The following KCNIP4 variants were observed in gnomAD, a reference collection of about 807,000 sequenced individuals.
KCNIP4 encodes the protein Kv channel-interacting protein 4.
A neutral mutation model predicts 34.0 loss-of-function variants in KCNIP4; 12 were observed. The observed-to-expected ratio is 0.35, with a 90% confidence interval of 0.23 to 0.57. The LOEUF (loss-of-function observed/expected upper bound fraction) is 0.57, where lower values mean the gene tolerates loss of function less well. Among genes scored for constraint, KCNIP4 ranks in the 20% least tolerant of loss-of-function variants. The pLI is 0.83. For synonymous variants in KCNIP4, 124 were observed against 102.2 expected (o/e 1.21, Z -1.29); for missense variants, 238 against 311.7 (o/e 0.76, Z 1.78).
chr4:21,793,965 T>A (rs1473600201), intron 1 of KCNIP4, among the ~76,000 whole-genome samples: 3 of 152,286 alleles, frequency 2.0e-5, no homozygotes, highest in African/African-American at 7.2e-5. Flanking sequence ...TAAAAAAGGA[T>A]GAATTCATGT....
chr4:21,267,435 A>G (rs1761881511), intron 1 of KCNIP4, among the ~76,000 whole-genome samples: 1 of 151,814 alleles, frequency 6.6e-6, no homozygotes, highest in Admixed American at 6.6e-5. Flanking sequence ...CCAGTTTTCA[A>G]AGGGAATGCT....
chr4:21,897,105 A>G (rs1727436935), intron 1 of KCNIP4, among the ~76,000 whole-genome samples: 1 of 152,048 alleles, frequency 6.6e-6, no homozygotes, highest in African/African-American at 2.4e-5. Context: ...AAAGCTTTAT[A>G]TAAGACTTTA....
In KCNIP4 at chr4:21,785,293, G is replaced by GA. The variant is rs1180702298; in HGVS notation, c.61+163277dup. ...AATTTTAGAACATTTATATCACTTC[G>GA]AAAAAAAAAAAACTTGGCTGGCCAC... On this transcript the variant is annotated intron_variant, in intron 1 of 8. Coordinates refer to ENST00000382152, the MANE Select transcript of KCNIP4 (RefSeq NM_025221.6). 5.2e-3 allele frequency among the ~76,000 whole-genome samples: 745 copies of GA among 143,296 alleles called. 4 individuals are homozygous for GA. The highest frequency in any genetic ancestry group is 0.015 in the African/African-American group (573 of 39,358). 94.0% of individuals were successfully genotyped at this position (143,296 alleles called of 152,430 possible).
chr4:21,344,863 C>T (rs1477575534), intron 1 of KCNIP4, among the ~76,000 whole-genome samples: 2 of 152,174 alleles, frequency 1.3e-5, no homozygotes, highest in African/African-American at 4.8e-5. Flanking sequence ...TGTTAGTGCT[C>T]TCTTCAAATA....
At chr4:20,842,420 G>A (rs181630936) in intron 3 of KCNIP4, among the ~76,000 whole-genome samples, 2 of 152,036 alleles carry the variant, frequency 1.3e-5, no homozygotes, top group Non-Finnish European at 2.9e-5. Context: ...GGTGAGACGC[G>A]AAAAGTCAGC....
chr4:21,220,579 A>ATAC (rs1160123797), intron 1 of KCNIP4, among the ~76,000 whole-genome samples: 4 of 151,880 alleles, frequency 2.6e-5, no homozygotes, highest in African/African-American at 9.7e-5. Flanking sequence ...AATAATAATA[A>ATAC]TAAAGAAGTT....
At position 20,957,000 on chromosome 4, in the gene KCNIP4, TAAAG is replaced by T. The variant is rs140663390; in HGVS notation, c.62-74295_62-74292del. Among the ~76,000 whole-genome samples, 958 of 151,332 alleles carry T rather than the reference TAAAG, an allele frequency of 6.3e-3. 10 individuals are homozygous for T. The highest frequency in any genetic ancestry group is 0.022 in the African/African-American group (922 of 41,184). On this transcript the variant is annotated intron_variant, in intron 1 of 8. Coordinates refer to ENST00000382152, the MANE Select transcript of KCNIP4 (RefSeq NM_025221.6). ...GTTTGATTAGTAGTGTTACAATTTT[TAAAG>T]AAAGAAAGAACATTAAAGAGAAGGA...
intron 1 of KCNIP4, among the ~76,000 whole-genome samples, chr4:21,535,459 G>A (rs1184797622): frequency 6.6e-6 from 1 of 152,070 alleles, no homozygotes; most frequent in African/African-American, 2.4e-5. Context: ...TCTCTCAAAG[G>A]TGCTAAACTC....
chr4:20,850,409 A>G, intron 3 of KCNIP4, 134 bp downstream of exon 3: 3 of 933,790 alleles, frequency 3.2e-6, no homozygotes, highest in Admixed American at 4.5e-5. Context: ...TTATATTCCT[A>G]TCTGGGAAGG....
chr4:21,527,638 C>T (rs915987504), intron 1 of KCNIP4, among the ~76,000 whole-genome samples: 1 of 152,138 alleles, frequency 6.6e-6, no homozygotes, highest in Non-Finnish European at 1.5e-5. Context: ...TTAAATGACT[C>T]TTACATTGTA....
At chr4:21,476,146 G>C (rs370717638) in intron 1 of KCNIP4, among the ~76,000 whole-genome samples, 1 of 152,090 alleles carries the variant, frequency 6.6e-6, no homozygotes, top group African/African-American at 2.4e-5. Context: ...TTTTATCTTC[G>C]CTCAAGAGTC....
At chr4:21,323,107 A>T (rs779830015) in intron 1 of KCNIP4, among the ~76,000 whole-genome samples, 3 of 150,186 alleles carry the variant, frequency 2.0e-5, no homozygotes, top group East Asian at 3.9e-4. Flanking sequence ...GTATGAGTCA[A>T]TTATGGCCAC....
At chr4:21,121,917 G>A (rs1750191000) in intron 1 of KCNIP4, among the ~76,000 whole-genome samples, 1 of 152,140 alleles carries the variant, frequency 6.6e-6, no homozygotes, top group Non-Finnish European at 1.5e-5. Flanking sequence ...GGAGGCAATG[G>A]CCATCTTTTG....
chr4:20,976,529 T>G (rs1735506925), intron 1 of KCNIP4, among the ~76,000 whole-genome samples: 1 of 152,194 alleles, frequency 6.6e-6, no homozygotes, highest in South Asian at 2.1e-4. Context: ...CTTGGGAAGA[T>G]TAAGTAACTT....
At chr4:21,237,672 A>T (rs567369158) in intron 1 of KCNIP4, among the ~76,000 whole-genome samples, 516 of 152,288 alleles carry the variant, frequency 3.4e-3, no homozygotes, top group African/African-American at 0.011. Flanking sequence ...CTCCCAAGAC[A>T]AAACCAGGAA....
chr4:21,298,107 G>A (rs1039525793), intron 1 of KCNIP4, among the ~76,000 whole-genome samples: 2 of 152,136 alleles, frequency 1.3e-5, no homozygotes, highest in Non-Finnish European at 2.9e-5. Flanking sequence ...TTGCATGATT[G>A]AGATGATAAT....
At chr4:21,635,688 G>A (rs896617007) in intron 1 of KCNIP4, among the ~76,000 whole-genome samples, 6 of 152,286 alleles carry the variant, frequency 3.9e-5, no homozygotes, top group Middle Eastern at 3.4e-3. Context: ...TACACTGTTC[G>A]TGGGACTGTA....
intron 1 of KCNIP4, among the ~76,000 whole-genome samples, chr4:21,506,240 C>G (rs1363359932): frequency 6.6e-6 from 1 of 152,052 alleles, no homozygotes; most frequent in Non-Finnish European, 1.5e-5. Context: ...GATATCAGAG[C>G]AGTTCAGAAT....
chr4:20,826,206 A>T (rs549179461), intron 3 of KCNIP4, among the ~76,000 whole-genome samples: 84 of 152,294 alleles, frequency 5.5e-4, no homozygotes, highest in African/African-American at 1.9e-3. Flanking sequence ...CCTGGGTCAT[A>T]CTTTGGGACC....
Sources: allele counts gnomAD v4.1 joint callset (sites outside exome capture counted in the v4.1 genomes callset), GRCh38; gene constraint gnomAD v4.1.1; transcripts MANE v1.5; gene names NCBI Gene and HGNC (gene_info 2026-07-23, HGNC 2026-07-21).